Variants in POP1 observed in about 807,000 individuals in gnomAD.
POP1 encodes the protein POP1 ribonuclease P/MRP subunit, also known as ribonucleases P/MRP protein subunit POP1.
A neutral mutation model predicts 102.2 loss-of-function variants in POP1; 75 were observed. That is an observed-to-expected ratio of 0.73 (90% CI 0.61 to 0.89). The LOEUF is 0.89. Ranked by LOEUF, POP1 falls within the 40% of genes least tolerant of loss-of-function variation. The pLI, the probability that POP1 is intolerant of heterozygous loss-of-function variation, is 0.00. For missense variants in POP1, 1,116 were observed against 1,267.4 expected (o/e 0.88, Z 1.81); for synonymous variants, 436 against 464.1 (o/e 0.94, Z 0.78).
rs370284594 is a variant in POP1 at position 98,128,422 on chromosome 8, C to T, written c.368C>T (p.Thr123Ile). The change falls in exon 4 of 16, where the codon ACC becomes ATC. Residue 123 changes from threonine (T) to isoleucine (I), a missense_variant. Transcript: ENST00000401707. ...ATCAGTGCTATGTTAAAAGCTGTGA[C>T]CCAGAAGTCTTCGAATTCACTGGTT... ...AEISAMLKAV[T>I]QKSSNSLVFQ... 16 of 1,614,144 alleles carry T rather than the reference C, an allele frequency of 9.9e-6. No individual in the cohort carries two copies. The African/African-American group carries it at 1.6e-4, about 16-fold the overall frequency.
Position 98,140,793 on chromosome 8 carries a change from C to T in POP1, c.1499C>T (p.Pro500Leu), listed in dbSNP as rs146523464. 59 of 1,613,900 alleles carry T rather than the reference C, an allele frequency of 3.7e-5. No homozygotes were observed. The highest frequency in any genetic ancestry group is 1.7e-4 in the Middle Eastern group (1 of 6,060). ...GGAATAACATCACCAGCAGAAATTC[C>T]GGCAGGTACTATTCTGGGACTGACA... ...LGGITSPAEI[P>L]AGTILGLTVG... is the part of the protein sequence containing the mutation. Residue 500 changes from proline (P) to leucine (L), a missense_variant, in exon 11 of 16, where the codon CCG becomes CTG. By Grantham distance (98) the Pro-to-Leu change is moderately conservative (BLOSUM62 -3). Transcript: ENST00000401707.
intron 9 of POP1, among the ~76,000 whole-genome samples, chr8:98,137,682 A>T (rs535262194): frequency 6.6e-6 from 1 of 152,324 alleles, no homozygotes; most frequent in East Asian, 1.9e-4. Flanking sequence ...TTCTGTGAGG[A>T]TGATGTTCCT....
chr8:98,133,329 C>T (rs1586234849), intron 5 of POP1, among the ~76,000 whole-genome samples: 1 of 152,158 alleles, frequency 6.6e-6, no homozygotes, highest in East Asian at 1.9e-4. Context: ...CTTCATCTTA[C>T]TTGAAATTGT....
chr8:98,123,947 C>T (rs1291210215), intron 2 of POP1, among the ~76,000 whole-genome samples: 1 of 152,108 alleles, frequency 6.6e-6, no homozygotes, highest in Non-Finnish European at 1.5e-5. Context: ...TGCCTACTTG[C>T]CAAAGCTTAT....
chr8:98,139,022 T>C (rs1332181816), intron 9 of POP1, among the ~76,000 whole-genome samples: 2 of 151,992 alleles, frequency 1.3e-5, no homozygotes, highest in African/African-American at 4.8e-5. Context: ...CCGGCTAATA[T>C]TTTTTGTATT....
At position 98,158,105 on chromosome 8, in the gene POP1, G is replaced by A; in HGVS notation, c.2909G>A (p.Gly970Glu). The change falls in exon 16 of 16, where the codon GGA becomes GAA. Residue 970 changes from glycine (G) to glutamate (E), a missense_variant. Transcript: ENST00000401707. The stretch of plus-strand genomic sequence containing the variant: ...ACTCTCCTAGGCTTTGTGACTCAGG[G>A]AGATTTTTCCATGGCTGTTGGCTGT... ...SRTLLGFVTQ[G>E]DFSMAVGCGE... 6.2e-7 allele frequency: 1 copy of A among 1,605,524 alleles called. No homozygotes were observed. The highest frequency in any genetic ancestry group is 1.7e-5 in the Admixed American group (1 of 59,554).
chr8:98,125,313 G>A (rs997924590), intron 2 of POP1, among the ~76,000 whole-genome samples: 5 of 151,166 alleles, frequency 3.3e-5, no homozygotes, highest in Non-Finnish European at 5.9e-5. Context: ...AGCCTCCTGA[G>A]TAGCTGAGAC....
intron 6 of POP1, 53 bp from the exon 7 acceptor site, chr8:98,134,419 G>A: frequency 6.4e-7 from 1 of 1,558,418 alleles, no homozygotes; most frequent in Non-Finnish European, 8.8e-7. Flanking sequence ...TCAGGAAATA[G>A]GACTGCAGTC....
chr8:98,140,270 G>A lies in POP1; in HGVS notation c.1474+81G>A, dbSNP rs1021706262. ...TTTGCAGTTGGGCCTCCAACATGTAGTATTGCTTTTTAACCTGCTGCTATT... is the reference window on the plus strand; with the variant it reads ...TTTGCAGTTGGGCCTCCAACATGTAATATTGCTTTTTAACCTGCTGCTATT... On this transcript the variant is annotated intron_variant, in intron 10 of 15. Transcript: ENST00000401707. The A allele has an allele frequency of 4.4e-4, 474 of 1,088,248 alleles. 2 individuals are homozygous for A. Among genetic ancestry groups the A allele is most frequent in the Non-Finnish European group, 6.1e-4 (432 of 712,232 alleles). The allele number at this position is 1,088,248 out of a possible 1,614,324, so 67.4% of individuals were successfully genotyped here. A position where few individuals can be genotyped will look rare whatever the true frequency, so the allele number is the denominator to read the frequency against.
chr8:98,155,948 TG>T, intron 14 of POP1, 101 bp from the exon 15 acceptor site: 3 of 943,100 alleles, frequency 3.2e-6, no homozygotes, highest in Non-Finnish European at 3.3e-6. Flanking sequence ...TGTGTGTGTG[TG>T]TGTGTGTTTT....
chr8:98,157,871 A>G lies in POP1; in HGVS notation c.2675A>G (p.Tyr892Cys). ...DFLQLHEDWHYCGPQESKHSD... is the reference protein window; with the variant it reads ...DFLQLHEDWHCCGPQESKHSD... ...CTCCAGCTCCATGAGGACTGGCATTACTGTGGGCCCCAGGAATCCAAACAC... is the reference window on the plus strand; with the variant it reads ...CTCCAGCTCCATGAGGACTGGCATTGCTGTGGGCCCCAGGAATCCAAACAC... The change falls in exon 16 of 16, where the codon TAC (tyrosine) becomes TGC (cysteine). Residue 892 changes from tyrosine (Y) to cysteine (C), a missense_variant. Tyr to Cys is a radical substitution (Grantham distance 194). Transcript: ENST00000401707. 1 of 1,614,140 alleles carries G rather than the reference A, an allele frequency of 6.2e-7. No individual in the cohort carries two copies. Among genetic ancestry groups the G allele is most frequent in the Non-Finnish European group, 8.5e-7 (1 of 1,179,978 alleles).
chr8:98,146,750 C>A, intron 12 of POP1, 67 bp downstream of exon 12: 1 of 1,222,858 alleles, frequency 8.2e-7, no homozygotes, highest in Non-Finnish European at 1.2e-6. Flanking sequence ...ATTCTAGAGA[C>A]CATAAAAAGT....
Position 98,134,588 on chromosome 8 carries a change from TCCCAGAGGAC to T in POP1, c.944_953del (p.Gln315ArgfsTer23). The stretch of plus-strand genomic sequence containing the variant: ...TGGGCCTGTTACGTTTATCTGGAAG[TCCCAGAGGAC>T]CCCGGGTGACCCTTCTGAGAGCAGG... On this transcript the variant is annotated frameshift_variant, in exon 7 of 16. Transcript: ENST00000401707. LOFTEE classifies it high-confidence loss of function. The T allele has an allele frequency of 6.2e-7, 1 of 1,614,178 alleles. No individual in the cohort carries two copies. The highest frequency in any genetic ancestry group is 8.5e-7 in the Non-Finnish European group (1 of 1,180,004).
chr8:98,120,926 G>A (rs1460097828), intron 1 of POP1, among the ~76,000 whole-genome samples: 3 of 152,086 alleles, frequency 2.0e-5, no homozygotes, highest in South Asian at 2.1e-4. Flanking sequence ...GATTACAGGC[G>A]TGAACCACCG....
At chr8:98,144,783 A>G (rs1188568935) in intron 11 of POP1, among the ~76,000 whole-genome samples, 2 of 152,200 alleles carry the variant, frequency 1.3e-5, no homozygotes, top group African/African-American at 2.4e-5. Context: ...TAGACAGGCC[A>G]TGTGAACTTG....
At chr8:98,129,062 T>C (rs1389704095) in intron 4 of POP1, among the ~76,000 whole-genome samples, 2 of 152,200 alleles carry the variant, frequency 1.3e-5, no homozygotes, top group Admixed American at 1.3e-4. Flanking sequence ...CTTTGAAATA[T>C]AGGATTTGAT....
chr8:98,141,664 C>T (rs1024203645), intron 11 of POP1, among the ~76,000 whole-genome samples: 1 of 151,794 alleles, frequency 6.6e-6, no homozygotes, highest in African/African-American at 2.4e-5. Context: ...AGTGATTTGC[C>T]TGCCTCAGCC....
Position 98,134,601 on chromosome 8 carries a change from C to T in POP1, c.953C>T (p.Pro318Leu), listed in dbSNP as rs144891262. Reference protein sequence around the residue: ...VTFIWKSQRTPGDPSESRQLW... With the variant: ...VTFIWKSQRTLGDPSESRQLW... Reference sequence around the variant, plus strand: ...TTTATCTGGAAGTCCCAGAGGACCCCGGGTGACCCTTCTGAGAGCAGGCAG... The same window carrying T: ...TTTATCTGGAAGTCCCAGAGGACCCTGGGTGACCCTTCTGAGAGCAGGCAG... The change falls in exon 7 of 16, where the codon CCG (proline) becomes CTG (leucine). Residue 318 changes from proline to leucine, a missense_variant. Transcript: ENST00000401707. 283 of 1,614,092 alleles carry T rather than the reference C, an allele frequency of 1.8e-4. 1 individual carries two copies. In the African/African-American group the frequency reaches 3.1e-3, roughly 17 times the overall value.
At position 98,150,382 on chromosome 8, in the gene POP1, C is replaced by A; in HGVS notation, c.1903-103C>A. 3.2e-6 allele frequency: 4 copies of A among 1,261,094 alleles called. No homozygotes were observed. The South Asian group carries it at 4.8e-5, about 15-fold the overall frequency. 78.1% of individuals were successfully genotyped at this position (1,261,094 alleles called of 1,614,324 possible). ...ATTGTGTGTATTTCTATCCATTCTC[C>A]TTTTGAGGGGCGTTTAGGTTGTTTC... On this transcript the variant is annotated intron_variant, in intron 13 of 15. Coordinates refer to ENST00000401707, the MANE Select transcript of POP1 (RefSeq NM_001145860.2).
Sources: allele counts gnomAD v4.1 joint callset (sites outside exome capture counted in the v4.1 genomes callset), GRCh38; gene constraint gnomAD v4.1.1; transcripts MANE v1.5; gene names NCBI Gene and HGNC (gene_info 2026-07-23, HGNC 2026-07-21).